The following DPY19L3 variants were observed in gnomAD, a reference collection of about 807,000 sequenced individuals.
DPY19L3 encodes protein C-mannosyl-transferase DPY19L3.
Under a neutral mutation model 92.3 loss-of-function variants are expected in DPY19L3, and 51 were observed. The ratio of observed to expected loss-of-function variants is 0.55; its 90% CI spans 0.44 to 0.70. DPY19L3 has a LOEUF of 0.70. DPY19L3 is among the 30% of genes least tolerant of loss of function. The pLI is 0.00. For missense variants in DPY19L3, 706 were observed against 855.9 expected (o/e 0.82, Z 2.18); for synonymous variants, 309 against 315.2 (o/e 0.98, Z 0.21).
In DPY19L3 at chr19:32,472,260, T is replaced by C. The variant is rs150422971; in HGVS notation, c.1697+3447T>C. Reference sequence around the variant, plus strand: ...GTATGAAACCAACAGTGTTTAGGGATTAAGTTGCTCTTTTTTACAAGGATG... The same window carrying C: ...GTATGAAACCAACAGTGTTTAGGGACTAAGTTGCTCTTTTTTACAAGGATG... On this transcript the variant is annotated intron_variant, in intron 16 of 18. Coordinates refer to ENST00000392250, the MANE Select transcript of DPY19L3 (RefSeq NM_001172774.2). 3.2e-4 allele frequency among the ~76,000 whole-genome samples: 49 copies of C among 152,286 alleles called. No individual in the cohort carries two copies. In the East Asian group the frequency reaches 8.9e-3, roughly 28 times the overall value.
chr19:32,472,301 T>C (rs2145622960), intron 16 of DPY19L3, among the ~76,000 whole-genome samples: 1 of 152,266 alleles, frequency 6.6e-6, no homozygotes, highest in South Asian at 2.1e-4. Flanking sequence ...ACATTTGACA[T>C]GTTGTTAAAG....
intron 12 of DPY19L3, among the ~76,000 whole-genome samples, chr19:32,459,957 A>G (rs920252387): frequency 2.0e-5 from 3 of 152,222 alleles, no homozygotes; most frequent in African/African-American, 7.2e-5. Context: ...ACAAACATAG[A>G]TAGTATGGCC....
chr19:32,424,327 A>C (rs1007179304), intron 3 of DPY19L3, among the ~76,000 whole-genome samples: 1 of 151,506 alleles, frequency 6.6e-6, no homozygotes, highest in African/African-American at 2.4e-5. Flanking sequence ...CTCTAAAAAA[A>C]AAAAAGAAAT....
At chr19:32,442,059 A>G (rs1969341987) in intron 8 of DPY19L3, among the ~76,000 whole-genome samples, 1 of 152,206 alleles carries the variant, frequency 6.6e-6, no homozygotes, top group African/African-American at 2.4e-5. Flanking sequence ...CAGCTTAGGC[A>G]AGTGATTTAA....
In DPY19L3 at chr19:32,485,026, C is replaced by T. The variant is rs1970763362; in HGVS notation, c.*2786C>T. 1 of 152,094 alleles carries T rather than the reference C, an allele frequency of 6.6e-6. No homozygotes were observed. Among genetic ancestry groups the T allele is most frequent in the Admixed American group, 6.5e-5 (1 of 15,274 alleles). The allele number at this position is 152,094 out of a possible 1,614,324, so 9.4% of individuals were successfully genotyped here. On this transcript the variant is annotated 3_prime_UTR_variant, in exon 19 of 19. Coordinates refer to ENST00000392250, the MANE Select transcript of DPY19L3 (RefSeq NM_001172774.2). ...AAACCTCTAAACTGAGAAGAAGGGA[C>T]CCAAATCATGTTATTGGTGTGATTT...
At chr19:32,420,421 G>A (rs1287593321) in intron 3 of DPY19L3, among the ~76,000 whole-genome samples, 1 of 151,718 alleles carries the variant, frequency 6.6e-6, no homozygotes, top group East Asian at 1.9e-4. Context: ...TGCATTTTAA[G>A]TGATTTTTGT....
At chr19:32,480,632 A>G (rs1970646099) in intron 18 of DPY19L3, 75 bp downstream of exon 18, 1 of 1,487,910 alleles carries the variant, frequency 6.7e-7, no homozygotes, top group South Asian at 1.3e-5. Flanking sequence ...AAGAATGTGA[A>G]TCTTTTTATC....
At chr19:32,418,872 A>G (rs964753292) in intron 3 of DPY19L3, among the ~76,000 whole-genome samples, 18 of 152,184 alleles carry the variant, frequency 1.2e-4, no homozygotes, top group Non-Finnish European at 2.5e-4. Flanking sequence ...ATGATTTTTT[A>G]AATGTTTGTT....
Position 32,453,999 on chromosome 19 carries a change from A to G in DPY19L3, c.987+723A>G, listed in dbSNP as rs182932489. On this transcript the variant is annotated intron_variant, in intron 9 of 18. Transcript: ENST00000392250. Reference sequence around the variant, plus strand: ...TTTGTTTTCCACTTTTAGAAGAAGAAATCATTTTTCTTATTAGTCTTTTGA... The same window carrying G: ...TTTGTTTTCCACTTTTAGAAGAAGAGATCATTTTTCTTATTAGTCTTTTGA... 1.5e-4 allele frequency among the ~76,000 whole-genome samples: 23 copies of G among 152,322 alleles called. No homozygotes were observed. The East Asian group carries it at 3.1e-3, about 20-fold the overall frequency.
chr19:32,469,937 C>T (rs1180108465), intron 16 of DPY19L3, among the ~76,000 whole-genome samples: 1 of 152,190 alleles, frequency 6.6e-6, no homozygotes, highest in Non-Finnish European at 1.5e-5. Flanking sequence ...ACATGTGGTG[C>T]CTTCTGAAAG....
At chr19:32,469,273 G>C (rs1599669056) in intron 16 of DPY19L3, among the ~76,000 whole-genome samples, 1 of 152,130 alleles carries the variant, frequency 6.6e-6, no homozygotes, top group South Asian at 2.1e-4. Flanking sequence ...GAGGTGGGCT[G>C]ATCACCCGAG....
rs373101332 is a variant in DPY19L3, at chr19:32,405,776, A to T, written c.-171A>T. 2 of 151,506 alleles carry T rather than the reference A, an allele frequency of 1.3e-5. No individual in the cohort carries two copies. The highest frequency in any genetic ancestry group is 1.5e-5 in the Non-Finnish European group (1 of 67,852). 9.4% of individuals were successfully genotyped at this position (151,506 alleles called of 1,614,324 possible). ...TGACGCCCCCCAGCCCCTCATTTCCACAAAGCTCCGCGGCGGTTCTGCCCT... is the reference window on the plus strand; with the variant it reads ...TGACGCCCCCCAGCCCCTCATTTCCTCAAAGCTCCGCGGCGGTTCTGCCCT... On this transcript the variant is annotated 5_prime_UTR_variant, in exon 1 of 19. Transcript: ENST00000392250.
chr19:32,425,844 A>G (rs538177631), intron 3 of DPY19L3, among the ~76,000 whole-genome samples: 14 of 152,212 alleles, frequency 9.2e-5, no homozygotes, highest in Non-Finnish European at 1.8e-4. Flanking sequence ...GGACCCTAGG[A>G]TTTTCAGAAT....
intron 3 of DPY19L3, chr19:32,411,699 C>T (rs1200720771): frequency 9.3e-6 from 3 of 321,288 alleles, no homozygotes; most frequent in Non-Finnish European, 1.7e-5. Flanking sequence ...TCCCAAGTAG[C>T]TGGGACTATA....
intron 6 of DPY19L3, among the ~76,000 whole-genome samples, chr19:32,438,621 G>A (rs1299770044): frequency 2.0e-5 from 3 of 152,132 alleles, no homozygotes; most frequent in African/African-American, 4.8e-5. Context: ...TATGTGTGGG[G>A]ATGGTGTACA....
chr19:32,409,143 TTTGGATAATAGTACTTTCTGAA>T, intron 2 of DPY19L3, among the ~76,000 whole-genome samples: 2 of 152,212 alleles, frequency 1.3e-5, no homozygotes, highest in South Asian at 2.1e-4. Flanking sequence ...ATTAACACGT[TTTGGATAATAGTACTTTCTGAA>T]CACCTTAAAC....
At chr19:32,437,360 T>C (rs1969176541) in intron 6 of DPY19L3, 21 bp downstream of exon 6, 3 of 1,580,642 alleles carry the variant, frequency 1.9e-6, no homozygotes, top group Middle Eastern at 1.7e-4. Flanking sequence ...GTCAGTATGC[T>C]TCTTTTTTTT....
At chr19:32,434,471 A>G (rs1196747809) in intron 4 of DPY19L3, among the ~76,000 whole-genome samples, 2 of 152,168 alleles carry the variant, frequency 1.3e-5, no homozygotes, top group Non-Finnish European at 1.5e-5. Flanking sequence ...AGCTTGACCA[A>G]CATGGAGAAA....
chr19:32,447,820 A>AT (rs374840914), intron 8 of DPY19L3, among the ~76,000 whole-genome samples: 30,152 of 127,388 alleles, frequency 0.24, 3,411 homozygotes, highest in Middle Eastern at 0.3. Flanking sequence ...GATAGATTAG[A>AT]TAGATAGATA....
Sources: gnomAD v4.1 joint callset for allele counts (sites outside exome capture counted in the v4.1 genomes callset) on GRCh38, gnomAD v4.1.1 for gene constraint, MANE v1.5 for transcripts, NCBI Gene and HGNC (gene_info 2026-07-23, HGNC 2026-07-21) for gene names.